CCNK: variants seen among roughly 807,000 people sequenced by gnomAD.
CCNK encodes cyclin-K.
A neutral mutation model predicts 65.0 loss-of-function variants in CCNK; 9 were observed. The observed-to-expected ratio is 0.14, with a 90% CI of 0.08 to 0.24. The LOEUF is 0.24. Among genes scored for constraint, CCNK ranks in the 10% least tolerant of loss-of-function variants. The pLI is 1.00. For synonymous variants in CCNK, 279 were observed against 270.8 expected, an observed-to-expected ratio of 1.03 and a Z score of -0.30; for missense variants, 474 against 720.0, an observed-to-expected ratio of 0.66 and a Z score of 3.91.
At chr14:99,499,659 T>C (rs1261776816) in intron 4 of CCNK, among the ~76,000 whole-genome samples, 1 of 152,144 alleles carries the variant, frequency 6.6e-6, no homozygotes, top group Non-Finnish European at 1.5e-5. Flanking sequence ...GTAGGTACAG[T>C]CGGCTGTACA....
chr14:99,508,440 C>A (rs1337994627), intron 10 of CCNK: 1 of 152,358 alleles, frequency 6.6e-6, no homozygotes, highest in Non-Finnish European at 1.5e-5. Context: ...AGCTCTGCTC[C>A]CTCCCCCATT....
Position 99,492,791 on chromosome 14 carries a change from T to G in CCNK, c.114T>G (p.Leu38=), listed in dbSNP as rs1194783223. 2 of 1,613,402 alleles carry G rather than the reference T, an allele frequency of 1.2e-6. No individual in the cohort carries two copies. Among genetic ancestry groups the G allele is most frequent in the Non-Finnish European group, 1.7e-6 (2 of 1,179,730 alleles). Residue 38 remains leucine (L), a synonymous_variant, in exon 2 of 11, where the codon CTT becomes CTG. Coordinates refer to ENST00000389879, the MANE Select transcript of CCNK (RefSeq NM_001099402.2). ...ACTTGGCTCATACACCCTCACAACT[T>G]GAAGGACTTGATCCAGCCACCGAGG... ...KKDLAHTPSQ[L]EGLDPATEAR... is the part of the protein sequence containing the mutation.
Position 99,502,878 on chromosome 14 carries a change from C to T in CCNK, c.905C>T (p.Pro302Leu), listed in dbSNP as rs752858323. ...QPSQSSEPSQ[P>L]QQKDPQQPAQ... The stretch of plus-strand genomic sequence containing the variant: ...TCTCAAAGCTCCGAACCATCCCAGC[C>T]CCAGCAGAAGGACCCCCAGCAACCA... The change falls in exon 8 of 11, where the codon CCC (proline) becomes CTC (leucine). Residue 302 changes from proline to leucine, a missense_variant. Around this residue, in one of 6 missense-constraint regions of CCNK, gnomAD observed 229 missense variants for 275.5 expected, o/e 0.83. Coordinates refer to ENST00000389879, the MANE Select transcript of CCNK (RefSeq NM_001099402.2). 6.2e-7 allele frequency: 1 copy of T among 1,613,460 alleles called. No homozygotes were observed. Among genetic ancestry groups the T allele is most frequent in the Admixed American group, 1.7e-5 (1 of 59,992 alleles).
intron 2 of CCNK, among the ~76,000 whole-genome samples, chr14:99,493,288 C>T (rs1353689641): frequency 6.6e-6 from 1 of 152,094 alleles, no homozygotes. Flanking sequence ...AAAAAAAGAT[C>T]ATAGTTGAAG....
In CCNK at chr14:99,502,379, A is replaced by G; in HGVS notation, c.745+3A>G. On this transcript the variant is annotated splice_donor_region_variant and intron_variant, in intron 7 of 10. Coordinates refer to ENST00000389879, the MANE Select transcript of CCNK (RefSeq NM_001099402.2). The stretch of plus-strand genomic sequence containing the variant: ...TGTCCCGGTCGACGTTTTGGAAGGT[A>G]CCAGGCATGCTAAGCGTTCTCGTGA... The G allele has an allele frequency of 6.2e-7, 1 of 1,613,286 alleles. No homozygotes were observed. Among genetic ancestry groups the G allele is most frequent in the Non-Finnish European group, 8.5e-7 (1 of 1,179,540 alleles).
chr14:99,487,235 C>T (rs924523305), intron 1 of CCNK, among the ~76,000 whole-genome samples: 1 of 152,186 alleles, frequency 6.6e-6, no homozygotes, highest in Non-Finnish European at 1.5e-5. Flanking sequence ...CATGCCCAAA[C>T]AGTAGAATGT....
chr14:99,497,316 G>A (rs1289460952), intron 4 of CCNK, among the ~76,000 whole-genome samples: 1 of 152,168 alleles, frequency 6.6e-6, no homozygotes, highest in Non-Finnish European at 1.5e-5. Flanking sequence ...ACCATTTCCA[G>A]AATGTCATCG....
At chr14:99,499,610 A>C (rs1896777168) in intron 4 of CCNK, among the ~76,000 whole-genome samples, 1 of 152,150 alleles carries the variant, frequency 6.6e-6, no homozygotes. Context: ...TCCTCCCCGC[A>C]CACAGTGTCT....
At chr14:99,490,003 G>A (rs746110205) in intron 1 of CCNK, among the ~76,000 whole-genome samples, 6 of 152,190 alleles carry the variant, frequency 3.9e-5, no homozygotes, top group Non-Finnish European at 8.8e-5. Flanking sequence ...AGTTGTAATC[G>A]TCTCAGGTGA....
intron 1 of CCNK, among the ~76,000 whole-genome samples, chr14:99,488,487 C>A (rs1171244539): frequency 3.3e-5 from 5 of 152,240 alleles, no homozygotes; most frequent in African/African-American, 1.2e-4. Flanking sequence ...TACTCTTGTA[C>A]CACCAGTATT....
At chr14:99,507,168 C>T in intron 10 of CCNK, 21 bp downstream of exon 10, 1 of 1,490,084 alleles carries the variant, frequency 6.7e-7, no homozygotes, top group South Asian at 1.1e-5. Context: ...GCTGAAGCAG[C>T]TTGGCCAGCT....
intron 1 of CCNK, among the ~76,000 whole-genome samples, chr14:99,487,961 T>A (rs557904597): frequency 6.6e-6 from 1 of 152,304 alleles, no homozygotes; most frequent in Admixed American, 6.5e-5. Flanking sequence ...TCATCTGACT[T>A]TTTCCCCAAC....
chr14:99,507,154 A>G lies in CCNK; in HGVS notation c.1117+7A>G. ...CCAGCCCACCCACCTCCAGGTAAGCATCTGCTGAAGCAGCTTGGCCAGCTG... is the reference window on the plus strand; with the variant it reads ...CCAGCCCACCCACCTCCAGGTAAGCGTCTGCTGAAGCAGCTTGGCCAGCTG... On this transcript the variant is annotated splice_region_variant and intron_variant, in intron 10 of 10. Transcript: ENST00000389879. The G allele has an allele frequency of 6.3e-7, 1 of 1,575,968 alleles. No individual in the cohort carries two copies. Among genetic ancestry groups the G allele is most frequent in the Non-Finnish European group, 8.7e-7 (1 of 1,145,454 alleles).
chr14:99,503,261 C>T (rs181595733), intron 8 of CCNK: 97 of 638,434 alleles, frequency 1.5e-4, no homozygotes, highest in African/African-American at 1.5e-3. Context: ...GTGTCGTTGC[C>T]GTGTCCTAGC....
At chr14:99,487,184 A>G (rs190651159) in intron 1 of CCNK, among the ~76,000 whole-genome samples, 70 of 152,370 alleles carry the variant, frequency 4.6e-4, no homozygotes, top group African/African-American at 1.6e-3. Flanking sequence ...ATATATGTAC[A>G]TGTTTAACAC....
Position 99,502,354 on chromosome 14 carries a change from T to A in CCNK, c.723T>A (p.Asp241Glu). 1 of 1,613,758 alleles carries A rather than the reference T, an allele frequency of 6.2e-7. No homozygotes were observed. Among genetic ancestry groups the A allele is most frequent in the Non-Finnish European group, 8.5e-7 (1 of 1,179,824 alleles). The stretch of plus-strand genomic sequence containing the variant: ...GATGGTGGGAGCAGTTTGTTCAAGA[T>A]GTCCCGGTCGACGTTTTGGAAGGTA... ...YRRWWEQFVQDVPVDVLEDIC... is the reference protein window; with the variant it reads ...YRRWWEQFVQEVPVDVLEDIC... Residue 241 changes from aspartate (D) to glutamate (E), a missense_variant, in exon 7 of 11, where the codon GAT (aspartate) becomes GAA (glutamate). This residue lies in a region of CCNK where 67 missense variants were observed against 150.2 expected (regional missense o/e 0.45). Coordinates refer to ENST00000389879, the MANE Select transcript of CCNK (RefSeq NM_001099402.2).
intron 6 of CCNK, 43 bp from the exon 7 acceptor site, chr14:99,502,164 A>G (rs1896847015): frequency 1.3e-6 from 2 of 1,527,612 alleles, no homozygotes; most frequent in East Asian, 2.4e-5. Flanking sequence ...AATCATAAAT[A>G]TTAGATCATA....
intron 1 of CCNK, chr14:99,481,699 C>G (rs899974897): frequency 2.6e-6 from 1 of 385,164 alleles, no homozygotes; most frequent in Non-Finnish European, 4.6e-6. Flanking sequence ...GGCAGGGAGG[C>G]CGGACTCACC....
chr14:99,493,014 G>A, intron 2 of CCNK, 140 bp downstream of exon 2: 1 of 776,308 alleles, frequency 1.3e-6, no homozygotes, highest in East Asian at 3.1e-5. Context: ...TGTTGTTTCT[G>A]GTGGGGGTTT....
Sources: gnomAD v4.1 joint callset for allele counts (sites outside exome capture counted in the v4.1 genomes callset) on GRCh38, gnomAD v4.1.1 for gene constraint, gnomAD v4.1.1 regional missense constraint, MANE v1.5 for transcripts, NCBI Gene and HGNC (gene_info 2026-07-23, HGNC 2026-07-21) for gene names.